Variants in PCDH7 observed in about 807,000 individuals in gnomAD.
The protein encoded by PCDH7 is protocadherin 7, also known as protocadherin-7.
A neutral mutation model predicts 58.9 loss-of-function variants in PCDH7; 17 were observed. That is an observed-to-expected ratio of 0.29 (90% CI 0.20 to 0.43). PCDH7 has a LOEUF of 0.43. Among genes scored for constraint, PCDH7 ranks in the 20% least tolerant of loss-of-function variants. The pLI, the probability that PCDH7 is intolerant of heterozygous loss-of-function variation, is 1.00. For synonymous variants in PCDH7, 664 were observed against 616.4 expected (o/e 1.08, Z -1.14); for missense variants, 1,274 against 1,441.0 (o/e 0.88, Z 1.88).
intron 3 of PCDH7, among the ~76,000 whole-genome samples, chr4:31,049,922 C>T (rs1295775841): frequency 6.6e-6 from 1 of 152,106 alleles, no homozygotes; most frequent in Non-Finnish European, 1.5e-5. Context: ...GCAGACACAT[C>T]ATAGCCTAAA....
rs531989948 is a variant in PCDH7, at chr4:31,137,130, T to C, written c.*8-5343T>C. 2.6e-5 allele frequency among the ~76,000 whole-genome samples: 4 copies of C among 152,354 alleles called. No individual in the cohort carries two copies. In the East Asian group the frequency reaches 7.7e-4, roughly 29 times the overall value. On this transcript the variant is annotated intron_variant, in intron 3 of 3. Coordinates refer to the PCDH7 transcript ENST00000509759. ...AAAACCTTTTGTAAGTCCACCAAATTTCACTAGCATTTAAGTGTGCTTCTA... is the reference window on the plus strand; with the variant it reads ...AAAACCTTTTGTAAGTCCACCAAATCTCACTAGCATTTAAGTGTGCTTCTA...
chr4:31,096,679 G>A (rs368871149), intron 3 of PCDH7, among the ~76,000 whole-genome samples: 1 of 152,122 alleles, frequency 6.6e-6, no homozygotes, highest in African/African-American at 2.4e-5. Context: ...TTGATATATC[G>A]ACAAGGGAAA....
intron 3 of PCDH7, among the ~76,000 whole-genome samples, chr4:31,105,998 T>G (rs1016822262): frequency 1.4e-5 from 2 of 144,244 alleles, no homozygotes; most frequent in African/African-American, 5.5e-5. Context: ...CAGAGCAAGA[T>G]TATGTCTCAA....
intron 3 of PCDH7, among the ~76,000 whole-genome samples, chr4:30,969,826 T>A (rs1749395645): frequency 6.6e-6 from 1 of 152,346 alleles, no homozygotes; most frequent in East Asian, 1.9e-4. Context: ...TGGAGTCAGA[T>A]CTCATCTATA....
intron 3 of PCDH7, among the ~76,000 whole-genome samples, chr4:30,978,188 A>C (rs938683499): frequency 6.6e-6 from 1 of 152,232 alleles, no homozygotes; most frequent in African/African-American, 2.4e-5. Flanking sequence ...AACATCTTAT[A>C]AACGAATCGG....
chr4:31,015,323 C>A (rs1753520378), intron 3 of PCDH7, among the ~76,000 whole-genome samples: 1 of 152,152 alleles, frequency 6.6e-6, no homozygotes, highest in Non-Finnish European at 1.5e-5. Context: ...AAGTCCATGA[C>A]AGTTGTAGAA....
At chr4:30,900,163 T>G (rs1436309621) in intron 1 of PCDH7, among the ~76,000 whole-genome samples, 1 of 152,198 alleles carries the variant, frequency 6.6e-6, no homozygotes, top group Admixed American at 6.5e-5. Context: ...GATGTAAGTA[T>G]TCCCATTTTC....
chr4:30,952,843 C>T lies in PCDH7; in HGVS notation c.*7+2628C>T, dbSNP rs551192970. Among the ~76,000 whole-genome samples, 18 of 152,164 alleles carry T rather than the reference C, an allele frequency of 1.2e-4. No individual in the cohort carries two copies. In the East Asian group the frequency reaches 3.3e-3, roughly 28 times the overall value. On this transcript the variant is annotated intron_variant, in intron 3 of 3. Coordinates refer to the PCDH7 transcript ENST00000509759. Reference sequence around the variant, plus strand: ...TGCATTTAGAACTAAAATAGTTGTGCCTAGAGAATACGGTTGAGACAGGGC... The same window carrying T: ...TGCATTTAGAACTAAAATAGTTGTGTCTAGAGAATACGGTTGAGACAGGGC...
At chr4:30,755,170 G>A (rs928345858) in intron 1 of PCDH7, among the ~76,000 whole-genome samples, 2 of 152,238 alleles carry the variant, frequency 1.3e-5, no homozygotes, top group South Asian at 2.1e-4. Flanking sequence ...CATCATATGC[G>A]TGCCATCCTA....
intron 3 of PCDH7, among the ~76,000 whole-genome samples, chr4:30,959,121 G>A (rs1048062240): frequency 2.7e-5 from 4 of 148,042 alleles, no homozygotes; most frequent in African/African-American, 1.1e-4. Flanking sequence ...TTCCAGGGAC[G>A]CTTTAATATA....
chr4:30,915,196 G>A (rs1441550160), intron 1 of PCDH7, among the ~76,000 whole-genome samples: 1 of 152,108 alleles, frequency 6.6e-6, no homozygotes, highest in East Asian at 1.9e-4. Context: ...ACACTTTACA[G>A]AAATCTTTGT....
intron 3 of PCDH7, among the ~76,000 whole-genome samples, chr4:31,093,613 T>G (rs1713554924): frequency 6.6e-6 from 1 of 150,644 alleles, no homozygotes; most frequent in South Asian, 2.1e-4. Flanking sequence ...CACACATTAC[T>G]TGAAAAAGAC....
intron 3 of PCDH7, among the ~76,000 whole-genome samples, chr4:30,958,548 T>C (rs2109456163): frequency 6.6e-6 from 1 of 152,112 alleles, no homozygotes; most frequent in Non-Finnish European, 1.5e-5. Flanking sequence ...AATCCACTTT[T>C]AGTTTTTAGA....
intron 1 of PCDH7, among the ~76,000 whole-genome samples, chr4:30,847,777 C>T (rs1348658943): frequency 6.6e-6 from 1 of 151,970 alleles, no homozygotes; most frequent in Non-Finnish European, 1.5e-5. Context: ...ATATATTTTA[C>T]CACAGCTTTT....
chr4:31,046,486 T>A (rs182576345), intron 3 of PCDH7, among the ~76,000 whole-genome samples: 1 of 152,212 alleles, frequency 6.6e-6, no homozygotes, highest in East Asian at 1.9e-4. Flanking sequence ...TTGCCATGAC[T>A]CAAATAATCA....
chr4:30,790,967 T>C (rs1724048429), intron 1 of PCDH7, among the ~76,000 whole-genome samples: 1 of 151,816 alleles, frequency 6.6e-6, no homozygotes, highest in South Asian at 2.1e-4. Flanking sequence ...AATAAATAAA[T>C]AAATACATGC....
intron 3 of PCDH7, among the ~76,000 whole-genome samples, chr4:31,131,874 G>C (rs1341459527): frequency 1.3e-5 from 2 of 151,664 alleles, no homozygotes; most frequent in Admixed American, 1.3e-4. Flanking sequence ...AAAATGCATG[G>C]GTGTCATATT....
intron 3 of PCDH7, among the ~76,000 whole-genome samples, chr4:30,970,171 T>G (rs1228568128): frequency 3.3e-5 from 5 of 152,244 alleles, no homozygotes; most frequent in Non-Finnish European, 7.3e-5. Context: ...GAAATAGACC[T>G]ATTGTGCTCT....
intron 3 of PCDH7, among the ~76,000 whole-genome samples, chr4:31,021,453 C>A (rs1049342178): frequency 1.3e-5 from 2 of 152,182 alleles, no homozygotes; most frequent in African/African-American, 4.8e-5. Context: ...GCAGTTCTGA[C>A]CTTTTGTATG....
Sources: gnomAD v4.1 joint callset for allele counts (sites outside exome capture counted in the v4.1 genomes callset) on GRCh38, gnomAD v4.1.1 for gene constraint, MANE v1.5 for transcripts, NCBI Gene and HGNC (gene_info 2026-07-23, HGNC 2026-07-21) for gene names.